Variants in CDH20 observed in about 807,000 individuals in gnomAD.
CDH20 encodes cadherin-20.
In CDH20, 29 loss-of-function variants were observed where a neutral mutation model predicts 74.2. The observed-to-expected ratio is 0.39, with a 90% CI of 0.29 to 0.53. The LOEUF is 0.53. CDH20 is among the 20% of genes least tolerant of loss of function. The probability of loss-of-function intolerance (pLI) is 0.69; values close to 1 mark genes in which losing one functional copy is unlikely to be tolerated. For missense variants in CDH20, 988 were observed against 1,048.3 expected (o/e 0.94, Z 0.79); for synonymous variants, 469 against 405.4 (o/e 1.16, Z -1.88).
At chr18:61,527,234 C>G in intron 6 of CDH20, among the ~76,000 whole-genome samples, 1 of 152,078 alleles carries the variant, frequency 6.6e-6, no homozygotes. Flanking sequence ...AATATACAAA[C>G]ATTGATCTGA....
intron 1 of CDH20, among the ~76,000 whole-genome samples, chr18:61,345,206 C>A (rs565893017): frequency 2.0e-5 from 3 of 152,298 alleles, no homozygotes; most frequent in East Asian, 3.9e-4. Flanking sequence ...GCTGCCCTGG[C>A]GCTCACATGC....
chr18:61,554,636 C>G lies in CDH20; in HGVS notation c.2347C>G (p.Arg783Gly). 13 of 1,601,798 alleles carry G rather than the reference C, an allele frequency of 8.1e-6. No individual in the cohort carries two copies. Among genetic ancestry groups the G allele is most frequent in the Non-Finnish European group, 1.0e-5 (12 of 1,174,708 alleles). Reference protein sequence around the residue: ...SFDFLTDWGPRFRKLAELYGA... With the variant: ...SFDFLTDWGPGFRKLAELYGA... ...CGACTTCCTGACGGACTGGGGGCCC[C>G]GCTTCCGGAAGCTGGCCGAGCTCTA... is the stretch of plus-strand genomic sequence containing the variant. The change falls in exon 12 of 12, where the codon CGC becomes GGC. Residue 783 changes from arginine (R) to glycine (G), a missense_variant. Physicochemically the swap from Arg to Gly is moderately radical, Grantham distance 125 (BLOSUM62 -2). Around this residue, in one of 2 missense-constraint regions of CDH20, gnomAD observed 375 missense variants for 293.1 expected, o/e 1.28. Coordinates refer to ENST00000262717, the MANE Select transcript of CDH20 (RefSeq NM_031891.4).
intron 1 of CDH20, among the ~76,000 whole-genome samples, chr18:61,474,851 G>T (rs1048453990): frequency 2.6e-5 from 4 of 152,096 alleles, no homozygotes; most frequent in African/African-American, 9.7e-5. Flanking sequence ...AAGAGAGATT[G>T]CTTAGCAAGG....
At chr18:61,423,002 T>C (rs1413872537) in intron 1 of CDH20, among the ~76,000 whole-genome samples, 1 of 152,158 alleles carries the variant, frequency 6.6e-6, no homozygotes, top group Non-Finnish European at 1.5e-5. Context: ...GTCTTGTGGG[T>C]AGATGAATGA....
chr18:61,484,596 A>T (rs1910692336), intron 1 of CDH20, among the ~76,000 whole-genome samples: 1 of 152,182 alleles, frequency 6.6e-6, no homozygotes. Flanking sequence ...TTATGACCCA[A>T]GCTAGGGAAT....
At chr18:61,362,957 G>T (rs1451811550) in intron 1 of CDH20, among the ~76,000 whole-genome samples, 1 of 152,100 alleles carries the variant, frequency 6.6e-6, no homozygotes, top group Non-Finnish European at 1.5e-5. Flanking sequence ...CTCCACAGAA[G>T]ATAAAGCCTG....
At chr18:61,521,163 TA>T (rs200576444) in intron 6 of CDH20, among the ~76,000 whole-genome samples, 5,688 of 150,790 alleles carry the variant, frequency 0.038, 230 homozygotes, top group Middle Eastern at 0.085. Flanking sequence ...ATTAACAAAA[TA>T]GATAGATTGC....
At chr18:61,519,926 T>C (rs1378054533) in intron 6 of CDH20, among the ~76,000 whole-genome samples, 1 of 132,550 alleles carries the variant, frequency 7.5e-6, no homozygotes, top group Admixed American at 8.0e-5. Context: ...GATGGAGGAA[T>C]ATTTACCAAG....
chr18:61,508,915 G>A (rs758259282), intron 6 of CDH20, among the ~76,000 whole-genome samples: 8 of 152,194 alleles, frequency 5.3e-5, no homozygotes, highest in Non-Finnish European at 1.2e-4. Context: ...GGGATTACAG[G>A]CGTGAGCCAC....
At chr18:61,471,647 T>G (rs1910181686) in intron 1 of CDH20, among the ~76,000 whole-genome samples, 1 of 152,294 alleles carries the variant, frequency 6.6e-6, no homozygotes, top group South Asian at 2.1e-4. Context: ...AAGTTTAAGA[T>G]GTAAAACATA....
At chr18:61,538,584 G>GTTTTTTTTTTTTTT (rs1568182044) in intron 8 of CDH20, among the ~76,000 whole-genome samples, 1 of 55,842 alleles carries the variant, frequency 1.8e-5, no homozygotes, top group Non-Finnish European at 3.5e-5. Context: ...ACTACTTTTT[G>GTTTTTTTTTTTTTT]TTTGTTTGTT....
chr18:61,416,121 T>A (rs1367166370), intron 1 of CDH20, among the ~76,000 whole-genome samples: 1 of 152,172 alleles, frequency 6.6e-6, no homozygotes, highest in African/African-American at 2.4e-5. Flanking sequence ...TGGGCCTCTA[T>A]AGTAACTGCA....
At chr18:61,431,502 G>A (rs536354804) in intron 1 of CDH20, among the ~76,000 whole-genome samples, 1 of 152,122 alleles carries the variant, frequency 6.6e-6, no homozygotes, top group African/African-American at 2.4e-5. Flanking sequence ...TTTGTTCATT[G>A]GTTCTAATGT....
chr18:61,526,142 T>C (rs1480945289), intron 6 of CDH20, among the ~76,000 whole-genome samples: 2 of 146,540 alleles, frequency 1.4e-5, no homozygotes, highest in African/African-American at 5.1e-5. Flanking sequence ...TTTTTTTTTT[T>C]TTTGAGACAG....
intron 9 of CDH20, among the ~76,000 whole-genome samples, chr18:61,543,164 C>G (rs1433431160): frequency 1.3e-5 from 2 of 152,184 alleles, no homozygotes; most frequent in African/African-American, 4.8e-5. Context: ...GGGAGCTCCC[C>G]CTACCACCAC....
intron 5 of CDH20, among the ~76,000 whole-genome samples, chr18:61,503,752 G>T (rs1312477121): frequency 4.6e-5 from 7 of 152,212 alleles, no homozygotes; most frequent in Non-Finnish European, 8.8e-5. Flanking sequence ...AACCGTAGTA[G>T]CATTTGCTGC....
intron 1 of CDH20, among the ~76,000 whole-genome samples, chr18:61,402,425 T>C (rs145372637): frequency 1.3e-5 from 2 of 152,184 alleles, no homozygotes; most frequent in Non-Finnish European, 2.9e-5. Flanking sequence ...AAAACCATCA[T>C]ATATTCAAGG....
intron 1 of CDH20, among the ~76,000 whole-genome samples, chr18:61,423,735 AT>A (rs1351325291): frequency 6.6e-6 from 1 of 152,198 alleles, no homozygotes; most frequent in Non-Finnish European, 1.5e-5. Flanking sequence ...TTTTGAACTC[AT>A]TCTATAAATC....
At position 61,554,612 on chromosome 18, in the gene CDH20, G is replaced by A. The variant is rs771062674; in HGVS notation, c.2323G>A (p.Asp775Asn). The change falls in exon 12 of 12, where the codon GAC becomes AAC. Residue 775 changes from aspartate (D) to asparagine (N), a missense_variant. This residue lies in a region of CDH20 where 375 missense variants were observed against 293.1 expected (regional missense o/e 1.28). Coordinates refer to ENST00000262717, the MANE Select transcript of CDH20 (RefSeq NM_031891.4). ...CACGTCGGACTCGGAACAGAGCTTC[G>A]ACTTCCTGACGGACTGGGGGCCCCG... ...SATSDSEQSFDFLTDWGPRFR... is the reference protein window; with the variant it reads ...SATSDSEQSFNFLTDWGPRFR... 2.5e-6 allele frequency: 4 copies of A among 1,607,234 alleles called. No individual in the cohort carries two copies. Among genetic ancestry groups the A allele is most frequent in the East Asian group, 2.2e-5 (1 of 44,772 alleles).
Sources: allele counts gnomAD v4.1 joint callset (sites outside exome capture counted in the v4.1 genomes callset), GRCh38; gene constraint gnomAD v4.1.1; regional missense constraint gnomAD v4.1.1; transcripts MANE v1.5; gene names NCBI Gene and HGNC (gene_info 2026-07-23, HGNC 2026-07-21).